PCDHA1: variants seen among roughly 807,000 people sequenced by gnomAD.
PCDHA1 encodes protocadherin alpha-1.
A neutral mutation model predicts 61.3 loss-of-function variants in PCDHA1; 42 were observed. The ratio of observed to expected loss-of-function variants is 0.69; its 90% CI spans 0.54 to 0.89. PCDHA1 has a LOEUF of 0.89. PCDHA1 is among the 40% of genes least tolerant of loss of function. The pLI is 0.00. For synonymous variants in PCDHA1, 610 were observed against 553.8 expected (o/e 1.10, Z -1.43); for missense variants, 1,256 against 1,235.3 (o/e 1.02, Z -0.25).
At chr5:140,904,164 T>C (rs1475689291) in intron 1 of PCDHA1, among the ~76,000 whole-genome samples, 1 of 152,078 alleles carries the variant, frequency 6.6e-6, no homozygotes, top group Non-Finnish European at 1.5e-5. Flanking sequence ...CAGTTTGTAG[T>C]CTTTTATTCC....
chr5:140,972,733 G>A (rs1037610917), intron 1 of PCDHA1, among the ~76,000 whole-genome samples: 7 of 147,652 alleles, frequency 4.7e-5, no homozygotes, highest in Non-Finnish European at 7.4e-5. Context: ...GCGTAATCCC[G>A]GCTCACTGCA....
Position 140,873,289 on chromosome 5 carries a change from C to T in PCDHA1, c.2394+84605C>T, listed in dbSNP as rs542998877. On this transcript the variant is annotated intron_variant, in intron 1 of 3. Transcript: ENST00000504120. ...TTAAACCATCATACCACTTATGAAA[C>T]TTTATAAATATAATAAAGGTGAATA... Among the ~76,000 whole-genome samples, 19 of 152,188 alleles carry T rather than the reference C, an allele frequency of 1.2e-4. No homozygotes were observed. In the South Asian group the frequency reaches 3.7e-3, roughly 30 times the overall value.
In PCDHA1 at chr5:140,808,110, T is replaced by C. The variant is rs781921257; in HGVS notation, c.2394+19426T>C. The C allele has an allele frequency of 9.5e-5, 154 of 1,613,930 alleles. No homozygotes were observed. The highest frequency in any genetic ancestry group is 1.2e-4 in the Non-Finnish European group (145 of 1,179,894). On this transcript the variant is annotated intron_variant, in intron 1 of 3. Coordinates refer to ENST00000504120, the MANE Select transcript of PCDHA1 (RefSeq NM_018900.4). ...GGACAAATTATTGTAAAGGGATATA[T>C]TGACTTTGAAGAAAGCAAATCCTAT... is the stretch of plus-strand genomic sequence containing the variant.
At position 140,850,724 on chromosome 5, in the gene PCDHA1, C is replaced by A. The variant is rs2150495935; in HGVS notation, c.2394+62040C>A. On this transcript the variant is annotated intron_variant, in intron 1 of 3. Coordinates refer to ENST00000504120, the MANE Select transcript of PCDHA1 (RefSeq NM_018900.4). ...GCAAGCCGACGCTGGTGTGTTCTAG[C>A]GCGGTGGGGAGTTGGTCGTACTCGC... The A allele has an allele frequency of 5.0e-6, 8 of 1,597,668 alleles. No individual in the cohort carries two copies. In the East Asian group the frequency reaches 1.1e-4, roughly 22 times the overall value.
intron 1 of PCDHA1, chr5:140,858,758 A>G (rs1474709962): frequency 4.4e-6 from 2 of 458,304 alleles, no homozygotes; most frequent in Non-Finnish European, 7.8e-6. Flanking sequence ...TTCGTTACAA[A>G]TATTTGTGAG....
chr5:140,967,984 C>G (rs2096207352), intron 1 of PCDHA1: 2 of 1,614,100 alleles, frequency 1.2e-6, no homozygotes, highest in African/African-American at 2.7e-5. Flanking sequence ...GTCTGGAGGC[C>G]ACACTGCCTT....
intron 1 of PCDHA1, among the ~76,000 whole-genome samples, chr5:140,915,255 A>G (rs2077044659): frequency 6.6e-6 from 1 of 152,018 alleles, no homozygotes; most frequent in African/African-American, 2.4e-5. Flanking sequence ...CCAGGTTGTT[A>G]TTATTTTTGA....
At chr5:140,881,523 C>T in intron 1 of PCDHA1, 1 of 194,568 alleles carries the variant, frequency 5.1e-6, no homozygotes, top group Non-Finnish European at 9.4e-6. Context: ...AAATCCCACA[C>T]ATATTGACTG....
chr5:140,888,754 CT>C (rs782694187), intron 1 of PCDHA1, among the ~76,000 whole-genome samples: 16 of 148,604 alleles, frequency 1.1e-4, no homozygotes, highest in East Asian at 2.0e-4. Flanking sequence ...ATTCTACCCA[CT>C]TTTTTTTTTA....
rs148688132 is a variant in PCDHA1, at chr5:140,902,203, CTT to C, written c.2395-76729_2395-76728del. Among the ~76,000 whole-genome samples the C allele has an allele frequency of 5.2e-3, 642 of 124,424 alleles. 3 individuals are homozygous for C. The highest frequency in any genetic ancestry group is 0.019 in the African/African-American group (601 of 32,314). 81.6% of individuals were successfully genotyped at this position (124,424 alleles called of 152,430 possible). The stretch of plus-strand genomic sequence containing the variant: ...TTATGTCTTCTCTCTCTCTCTCTTT[CTT>C]TTTTTTTTTTTTTTTTGAGATGAGG... On this transcript the variant is annotated intron_variant, in intron 1 of 3. Coordinates refer to ENST00000504120, the MANE Select transcript of PCDHA1 (RefSeq NM_018900.4).
chr5:140,968,083 G>A (rs1298667830), intron 1 of PCDHA1: 1 of 1,614,006 alleles, frequency 6.2e-7, no homozygotes, highest in Non-Finnish European at 8.5e-7. Flanking sequence ...ACATCACGGT[G>A]ACAGCCACAG....
rs1777656080 is a variant in PCDHA1, at chr5:140,842,032, T to C, written c.2394+53348T>C. ...TGGTCACAGTGCTGGATGTGAATGA[T>C]AATGCTCCCACTTTCGAACAGTCTG... On this transcript the variant is annotated intron_variant, in intron 1 of 3. Transcript: ENST00000504120. The C allele has an allele frequency of 1.9e-6, 3 of 1,613,844 alleles. 1 individual carries two copies. The highest frequency in any genetic ancestry group is 1.7e-5 in the Admixed American group (1 of 60,002).
chr5:140,813,192 G>C (rs1441562643), intron 1 of PCDHA1: 6 of 152,124 alleles, frequency 3.9e-5, no homozygotes, highest in African/African-American at 1.4e-4. Flanking sequence ...CTGCTTCCTT[G>C]CTGATTTTCT....
intron 3 of PCDHA1, among the ~76,000 whole-genome samples, chr5:141,005,774 G>A (rs2098239231): frequency 1.4e-5 from 2 of 144,252 alleles, no homozygotes; most frequent in Non-Finnish European, 3.0e-5. Flanking sequence ...AACCAGATGT[G>A]TAAAGATCCT....
chr5:140,882,681 A>G, intron 1 of PCDHA1: 1 of 1,614,176 alleles, frequency 6.2e-7, no homozygotes, highest in Non-Finnish European at 8.5e-7. Context: ...GAAAGCAAGA[A>G]ACGAATAATC....
chr5:140,786,609 G>C lies in PCDHA1; in HGVS notation c.319G>C (p.Glu107Gln), dbSNP rs782756413. The change falls in exon 1 of 4, where the codon GAG becomes CAG. Residue 107 changes from glutamate (E) to glutamine (Q), a missense_variant. Glu to Gln is a conservative substitution (Grantham distance 29). Transcript: ENST00000504120. ...QWSAECSIHL[E>Q]LIADRPLQVF... The stretch of plus-strand genomic sequence containing the variant: ...GAGCGCGGAGTGCAGCATCCACCTG[G>C]AGTTGATCGCCGACAGGCCGCTGCA... The C allele has an allele frequency of 2.5e-6, 4 of 1,614,278 alleles. No individual in the cohort carries two copies. Among genetic ancestry groups the C allele is most frequent in the Non-Finnish European group, 3.4e-6 (4 of 1,180,054 alleles).
chr5:140,849,999 C>A, intron 1 of PCDHA1: 1 of 1,597,044 alleles, frequency 6.3e-7, no homozygotes, highest in East Asian at 2.2e-5. Flanking sequence ...GTTGGGCGAG[C>A]GCTCGCTGTC....
At chr5:140,938,699 A>G (rs1418739484) in intron 1 of PCDHA1, among the ~76,000 whole-genome samples, 4 of 152,128 alleles carry the variant, frequency 2.6e-5, no homozygotes, top group African/African-American at 4.8e-5. Context: ...TTTTAAATAT[A>G]TGTTTATGAT....
At chr5:140,862,563 C>G in intron 1 of PCDHA1, 1 of 476,978 alleles carries the variant, frequency 2.1e-6, no homozygotes, top group East Asian at 5.5e-5. Context: ...CAGTGAACCA[C>G]AATGCCCTGG....
Sources: gnomAD v4.1 joint callset for allele counts (sites outside exome capture counted in the v4.1 genomes callset) on GRCh38, gnomAD v4.1.1 for gene constraint, MANE v1.5 for transcripts, NCBI Gene and HGNC (gene_info 2026-07-23, HGNC 2026-07-21) for gene names.